The following NELL2 variants were observed in gnomAD, a reference collection of about 807,000 sequenced individuals.
The protein encoded by NELL2 is neural EGFL like 2, also known as protein kinase C-binding protein NELL2.
A neutral mutation model predicts 109.6 loss-of-function variants in NELL2; 41 were observed. The observed-to-expected ratio is 0.37, with a 90% CI of 0.29 to 0.49. The LOEUF (loss-of-function observed/expected upper bound fraction) is 0.49, where lower values mean the gene tolerates loss of function less well. NELL2 is among the 20% of genes least tolerant of loss of function. The pLI is 0.98. For synonymous variants in NELL2, 355 were observed against 344.7 expected (o/e 1.03, Z -0.33); for missense variants, 900 against 1,008.3 (o/e 0.89, Z 1.45).
chr12:44,665,858 G>T (rs1947908399), intron 12 of NELL2, among the ~76,000 whole-genome samples: 1 of 152,082 alleles, frequency 6.6e-6, no homozygotes, highest in Non-Finnish European at 1.5e-5. Flanking sequence ...AATATCTTTT[G>T]AAATTTTCAG....
At chr12:44,903,481 G>A (rs12369503) in intron 1 of NELL2, among the ~76,000 whole-genome samples, 2,074 of 152,214 alleles carry the variant, frequency 0.014, 25 homozygotes, top group Non-Finnish European at 0.021. Flanking sequence ...ACAGTGTAGC[G>A]ATTCCTCAAG....
At chr12:44,881,161 A>G (rs1268264045), upstream of NELL2, among the ~76,000 whole-genome samples, 1 of 152,034 alleles carries the variant, frequency 6.6e-6, no homozygotes, top group Non-Finnish European at 1.5e-5. Context: ...AACATTCACC[A>G]CAGTACTTAA....
intron 2 of NELL2, among the ~76,000 whole-genome samples, chr12:44,832,928 G>A (rs1202881232): frequency 1.3e-5 from 2 of 152,086 alleles, no homozygotes; most frequent in East Asian, 1.9e-4. Flanking sequence ...TTTCTGACAG[G>A]TACAATGGTA....
At chr12:44,662,294 C>T (rs950463952) in intron 13 of NELL2, among the ~76,000 whole-genome samples, 2 of 152,104 alleles carry the variant, frequency 1.3e-5, no homozygotes, top group Non-Finnish European at 2.9e-5. Context: ...CCTATAAAGA[C>T]AGTAGTTTAA....
chr12:44,772,413 T>C (rs1941586549), intron 9 of NELL2, among the ~76,000 whole-genome samples: 1 of 152,208 alleles, frequency 6.6e-6, no homozygotes, highest in African/African-American at 2.4e-5. Context: ...TTATTTTAAG[T>C]GTTATTTGTC....
intron 15 of NELL2, among the ~76,000 whole-genome samples, chr12:44,581,499 T>C (rs927150920): frequency 3.3e-5 from 5 of 152,184 alleles, no homozygotes; most frequent in Non-Finnish European, 7.4e-5. Flanking sequence ...CAGATTGAAG[T>C]AGAAATTCCT....
rs138331491 is a variant in NELL2 at position 44,733,643 on chromosome 12, A to G, written c.995-18902T>C. 8.2e-4 allele frequency among the ~76,000 whole-genome samples: 125 copies of G among 152,092 alleles called. 1 individual carries two copies. The highest frequency in any genetic ancestry group is 3.7e-3 in the Admixed American group (57 of 15,288). ...AGTCCTAGATGTCTGCTGTACATCA[A>G]TGTGCATATAGTTAACAATACTGTA... On this transcript the variant is annotated intron_variant, in intron 9 of 19. Transcript: ENST00000429094.
intron 19 of NELL2, among the ~76,000 whole-genome samples, chr12:44,518,785 A>G (rs1941396219): frequency 6.6e-6 from 1 of 152,214 alleles, no homozygotes; most frequent in African/African-American, 2.4e-5. Flanking sequence ...CATTAGTGCT[A>G]AGTTTCAAGA....
chr12:44,845,754 AC>A (rs1245519553), intron 2 of NELL2, among the ~76,000 whole-genome samples: 1 of 152,224 alleles, frequency 6.6e-6, no homozygotes, highest in Non-Finnish European at 1.5e-5. Flanking sequence ...CACACACAGT[AC>A]TAAGGCAAAA....
chr12:44,745,375 C>G (rs1940277621), intron 9 of NELL2, among the ~76,000 whole-genome samples: 1 of 152,156 alleles, frequency 6.6e-6, no homozygotes, highest in African/African-American at 2.4e-5. Context: ...GAAGCATTCC[C>G]TTTGAAAACT....
At chr12:44,835,015 A>T (rs1227910711) in intron 2 of NELL2, among the ~76,000 whole-genome samples, 1 of 152,158 alleles carries the variant, frequency 6.6e-6, no homozygotes, top group Non-Finnish European at 1.5e-5. Context: ...CCAAAGCCCA[A>T]TTGGGGTCAC....
chr12:44,629,218 T>C (rs758361341), intron 13 of NELL2, among the ~76,000 whole-genome samples: 2 of 152,048 alleles, frequency 1.3e-5, no homozygotes, highest in Non-Finnish European at 2.9e-5. Flanking sequence ...TCTAATAGAG[T>C]CCACTATAAA....
At chr12:44,548,125 T>G (rs929091084) in intron 15 of NELL2, among the ~76,000 whole-genome samples, 19 of 152,168 alleles carry the variant, frequency 1.2e-4, no homozygotes, top group African/African-American at 4.3e-4. Flanking sequence ...CAATAAATAT[T>G]TGCTGAACTC....
intron 1 of NELL2, chr12:44,881,822 G>C (rs2136858813): frequency 6.6e-6 from 1 of 151,938 alleles, no homozygotes; most frequent in African/African-American, 2.4e-5. Context: ...ACACTTATAG[G>C]AATCCATAAC....
At chr12:44,825,773 C>T (rs1020814781) in intron 2 of NELL2, among the ~76,000 whole-genome samples, 15 of 150,222 alleles carry the variant, frequency 1.0e-4, no homozygotes, top group African/African-American at 2.4e-4. Context: ...AGGCCGGGCC[C>T]GGTGACTCAT....
At chr12:44,917,653 A>T (rs1945838438), upstream of NELL2, among the ~76,000 whole-genome samples, 1 of 152,244 alleles carries the variant, frequency 6.6e-6, no homozygotes. Context: ...TTGCAGAGGT[A>T]ATTAAGGTCC....
rs137883944 is a variant in NELL2 at position 44,768,313 on chromosome 12, G to GT, written c.994+6433dup. ...AGCATGCCAAGTGCCTTTTTAAAGG[G>GT]TTTTTTTTTTAATTAAGATAAAATT... On this transcript the variant is annotated intron_variant, in intron 9 of 19. Coordinates refer to ENST00000429094, the MANE Select transcript of NELL2 (RefSeq NM_001145108.2). 9.5e-4 allele frequency among the ~76,000 whole-genome samples: 141 copies of GT among 149,194 alleles called. 2 individuals carry two copies. Among genetic ancestry groups the GT allele is most frequent in the Admixed American group, 2.1e-3 (32 of 14,924 alleles).
At chr12:44,605,941 T>C (rs1186895046) in intron 15 of NELL2, among the ~76,000 whole-genome samples, 1 of 152,150 alleles carries the variant, frequency 6.6e-6, no homozygotes, top group African/African-American at 2.4e-5. Flanking sequence ...TATCATATGA[T>C]AGTTACTAAA....
chr12:44,855,115 T>C (rs953030034), intron 2 of NELL2, among the ~76,000 whole-genome samples: 3 of 152,226 alleles, frequency 2.0e-5, no homozygotes, highest in African/African-American at 4.8e-5. Flanking sequence ...ACCTAGTATG[T>C]ATTTCTATAC....
Sources: allele counts gnomAD v4.1 joint callset (sites outside exome capture counted in the v4.1 genomes callset), GRCh38; gene constraint gnomAD v4.1.1; transcripts MANE v1.5; gene names NCBI Gene and HGNC (gene_info 2026-07-23, HGNC 2026-07-21).